The following SCAPER variants were observed in gnomAD, a reference collection of about 807,000 sequenced individuals.
The protein encoded by SCAPER is S-phase cyclin A associated protein in the ER, also known as S phase cyclin A-associated protein in the endoplasmic reticulum.
A neutral mutation model predicts 182.2 loss-of-function variants in SCAPER; 98 were observed. The ratio of observed to expected loss-of-function variants is 0.54; its 90% CI spans 0.46 to 0.64. SCAPER has a LOEUF of 0.64. Among genes scored for constraint, SCAPER ranks in the 30% least tolerant of loss-of-function variants. The pLI is 0.00. For missense variants in SCAPER, 1,432 were observed against 1,690.0 expected (o/e 0.85, Z 2.68); for synonymous variants, 605 against 564.6 (o/e 1.07, Z -1.01).
At chr15:76,745,879 T>A (rs964250540) in intron 15 of SCAPER, among the ~76,000 whole-genome samples, 1 of 152,208 alleles carries the variant, frequency 6.6e-6, no homozygotes, top group African/African-American at 2.4e-5. Context: ...TGGATTTAAT[T>A]CTGCCTTTCT....
At chr15:76,577,749 G>T (rs1324437178) in intron 22 of SCAPER, among the ~76,000 whole-genome samples, 1 of 152,054 alleles carries the variant, frequency 6.6e-6, no homozygotes, top group Non-Finnish European at 1.5e-5. Context: ...AGACATGATG[G>T]CTTCAGATGG....
chr15:76,665,856 T>C (rs746277316), intron 20 of SCAPER, 67 bp from the exon 21 acceptor site: 61 of 1,293,996 alleles, frequency 4.7e-5, no homozygotes, highest in Non-Finnish European at 6.1e-5. Context: ...AGGATTGCTA[T>C]AGACTACAGT....
intron 5 of SCAPER, among the ~76,000 whole-genome samples, chr15:76,805,818 C>T (rs1298218586): frequency 1.3e-5 from 2 of 152,116 alleles, no homozygotes; most frequent in African/African-American, 2.4e-5. Context: ...CCACCTGCTT[C>T]GGCCTCCCAA....
intron 3 of SCAPER, among the ~76,000 whole-genome samples, chr15:76,858,409 T>C (rs1298571420): frequency 1.3e-5 from 2 of 152,198 alleles, no homozygotes; most frequent in African/African-American, 2.4e-5. Context: ...AGACACCAAC[T>C]ACTGTTTTGT....
At chr15:76,818,173 G>A (rs1054921120) in intron 5 of SCAPER, among the ~76,000 whole-genome samples, 13 of 152,282 alleles carry the variant, frequency 8.5e-5, no homozygotes, top group South Asian at 2.1e-4. Flanking sequence ...TTTGACTAAC[G>A]TACAAAGCCA....
intron 23 of SCAPER, among the ~76,000 whole-genome samples, chr15:76,558,578 A>G (rs1354177807): frequency 6.6e-6 from 1 of 152,222 alleles, no homozygotes; most frequent in Non-Finnish European, 1.5e-5. Context: ...TGTTGGTGGG[A>G]AAGTAAGTTA....
chr15:76,641,396 C>T (rs539526337), intron 21 of SCAPER, among the ~76,000 whole-genome samples: 11 of 152,154 alleles, frequency 7.2e-5, no homozygotes, highest in African/African-American at 1.9e-4. Flanking sequence ...AACCTACTCC[C>T]GCCCTCACTA....
chr15:76,410,160 C>T (rs767066359), intron 26 of SCAPER, among the ~76,000 whole-genome samples: 2 of 152,128 alleles, frequency 1.3e-5, no homozygotes, highest in African/African-American at 2.4e-5. Context: ...GGTCCCAGGG[C>T]ACCCCTATAT....
chr15:76,781,367 C>T (rs1271195292), intron 8 of SCAPER, among the ~76,000 whole-genome samples: 1 of 152,146 alleles, frequency 6.6e-6, no homozygotes, highest in Non-Finnish European at 1.5e-5. Context: ...CGAACAAAGC[C>T]TCCAAGAAAT....
intron 2 of SCAPER, among the ~76,000 whole-genome samples, chr15:76,874,929 A>G (rs1177849887): frequency 6.6e-6 from 1 of 152,132 alleles, no homozygotes; most frequent in Non-Finnish European, 1.5e-5. Context: ...TCATGCCACT[A>G]CACTCCAGCC....
At chr15:76,896,589 C>T (rs1367056166) in intron 1 of SCAPER, among the ~76,000 whole-genome samples, 1 of 152,084 alleles carries the variant, frequency 6.6e-6, no homozygotes, top group Admixed American at 6.5e-5. Context: ...CTATCAAAAT[C>T]TCCATGATGT....
chr15:76,813,910 G>A (rs142053356), intron 5 of SCAPER, among the ~76,000 whole-genome samples: 74 of 152,234 alleles, frequency 4.9e-4, no homozygotes, highest in African/African-American at 1.6e-3. Context: ...GCTCACACCC[G>A]TAATCCTAGC....
chr15:76,702,210 G>A (rs1031219197), intron 19 of SCAPER, among the ~76,000 whole-genome samples: 1 of 151,922 alleles, frequency 6.6e-6, no homozygotes, highest in African/African-American at 2.4e-5. Context: ...AGCCTAAGAG[G>A]AAATTATTTC....
chr15:76,464,314 T>C (rs139330761), intron 25 of SCAPER, among the ~76,000 whole-genome samples: 9 of 152,296 alleles, frequency 5.9e-5, no homozygotes, highest in African/African-American at 9.6e-5. Flanking sequence ...TCAAGGTTTA[T>C]ACATTATAGC....
chr15:76,616,728 CT>C (rs1381537907), intron 22 of SCAPER, among the ~76,000 whole-genome samples: 4 of 152,130 alleles, frequency 2.6e-5, no homozygotes, highest in Non-Finnish European at 5.9e-5. Flanking sequence ...ACTTAATTTG[CT>C]TTCCTTGTTG....
chr15:76,862,496 C>A lies in SCAPER; in HGVS notation c.44G>T (p.Arg15Met), dbSNP rs755642232. ...ACGACCCTCCTCTGCAACTATTCTC[C>A]TTACTTTGTCATGACTATTGGAGCG... Reference protein sequence around the residue: ...FQRSNSHDKVRRIVAEEGRTA... With the variant: ...FQRSNSHDKVMRIVAEEGRTA... The change falls in exon 3 of 32, where the codon AGG becomes ATG. Residue 15 changes from arginine (R) to methionine (M), a missense_variant. By Grantham distance (91) the Arg-to-Met change is moderately conservative. Transcript: ENST00000563290. 1.2e-6 allele frequency: 2 copies of A among 1,613,198 alleles called. No homozygotes were observed. The highest frequency in any genetic ancestry group is 1.7e-6 in the Non-Finnish European group (2 of 1,179,526).
At chr15:76,901,215 G>A (rs1356656989) in intron 1 of SCAPER, among the ~76,000 whole-genome samples, 1 of 152,166 alleles carries the variant, frequency 6.6e-6, no homozygotes, top group East Asian at 1.9e-4. Flanking sequence ...GGGGGACAGA[G>A]CAAGACGCCG....
chr15:76,844,793 A>G (rs986100354), intron 4 of SCAPER, among the ~76,000 whole-genome samples: 3 of 152,202 alleles, frequency 2.0e-5, no homozygotes, highest in Non-Finnish European at 2.9e-5. Context: ...CATTTAAAAA[A>G]GAACTAGTAC....
At chr15:76,493,641 G>C (rs1032710128) in intron 24 of SCAPER, among the ~76,000 whole-genome samples, 4 of 152,196 alleles carry the variant, frequency 2.6e-5, no homozygotes, top group African/African-American at 9.7e-5. Context: ...TTAATAACAA[G>C]ACGACTATGA....
Sources: gnomAD v4.1 joint callset for allele counts (sites outside exome capture counted in the v4.1 genomes callset) on GRCh38, gnomAD v4.1.1 for gene constraint, MANE v1.5 for transcripts, NCBI Gene and HGNC (gene_info 2026-07-23, HGNC 2026-07-21) for gene names.